UNC80: variants seen among roughly 807,000 people sequenced by gnomAD.
The protein encoded by UNC80 is protein unc-80 homolog.
UNC80 carries 164 observed loss-of-function variants against 384.6 expected under a neutral mutation model. That is an observed-to-expected ratio of 0.43 (90% confidence interval 0.38 to 0.49). The LOEUF (loss-of-function observed/expected upper bound fraction) is 0.49. Among genes scored for constraint, UNC80 ranks in the 20% least tolerant of loss-of-function variants. The pLI is 0.00. For synonymous variants in UNC80, 1,486 were observed against 1,527.8 expected (o/e 0.97, Z 0.64); for missense variants, 3,330 against 4,143.0 (o/e 0.80, Z 5.39).
chr2:209,951,421 C>G (rs2092180891), intron 47 of UNC80: 3 of 151,814 alleles, frequency 2.0e-5, no homozygotes. Context: ...CCTCAGCCTC[C>G]CAAATAGCTG....
At chr2:209,788,723 T>C (rs2077612564) in intron 5 of UNC80, among the ~76,000 whole-genome samples, 1 of 150,976 alleles carries the variant, frequency 6.6e-6, no homozygotes, top group Non-Finnish European at 1.5e-5. Context: ...GCTAAGCCTA[T>C]TACAAAAGAG....
chr2:209,981,482 G>A (rs1199854717), intron 59 of UNC80, among the ~76,000 whole-genome samples: 1 of 152,212 alleles, frequency 6.6e-6, no homozygotes, highest in East Asian at 1.9e-4. Flanking sequence ...GGAGGCTGAG[G>A]CATGGGAACC....
intron 59 of UNC80, 148 bp from the exon 60 acceptor site, chr2:209,982,031 T>A (rs546371236): frequency 2.8e-4 from 181 of 648,650 alleles, no homozygotes; most frequent in Middle Eastern, 9.0e-4. Context: ...AGTTTTTTTA[T>A]CTGTATGAAG....
At chr2:209,849,372 A>G in intron 21 of UNC80, 79 bp from the exon 22 acceptor site, 2 of 1,483,448 alleles carry the variant, frequency 1.3e-6, no homozygotes, top group Non-Finnish European at 1.8e-6. Flanking sequence ...ACACTGTTAT[A>G]TCTTTGAAAC....
intron 25 of UNC80, among the ~76,000 whole-genome samples, chr2:209,883,603 T>C (rs1157667122): frequency 6.6e-6 from 1 of 151,896 alleles, no homozygotes; most frequent in Non-Finnish European, 1.5e-5. Context: ...GCTAATTTTT[T>C]TTATTTTTTT....
At chr2:209,896,874 C>A (rs932467434) in intron 28 of UNC80, among the ~76,000 whole-genome samples, 2 of 152,068 alleles carry the variant, frequency 1.3e-5, no homozygotes, top group Non-Finnish European at 2.9e-5. Context: ...AGGGCACAGG[C>A]AGGAGGTGAT....
At position 209,976,757 on chromosome 2, in the gene UNC80, G is replaced by A. The variant is rs539720920; in HGVS notation, c.8773-156G>A. Among the ~76,000 whole-genome samples the A allele has an allele frequency of 6.6e-6, 1 of 152,268 alleles. No individual in the cohort carries two copies. Among genetic ancestry groups the A allele is most frequent in the East Asian group, 1.9e-4 (1 of 5,180 alleles). On this transcript the variant is annotated intron_variant, in intron 57 of 64. Transcript: ENST00000673920. This position sits in a 1 kb window ranked among gnomAD's most constrained non-coding sequence, Gnocchi z 4.3. ...GTTTCTTAGGGCAGTGATTTAAAAC[G>A]ATGTAATTATTAAGCACTTCCTGTG...
Position 209,917,891 on chromosome 2 carries a change from A to C in UNC80, c.5144A>C (p.His1715Pro). Residue 1715 changes from histidine (H) to proline (P), a missense_variant, in exon 32 of 65, where the codon CAC becomes CCC. His to Pro is a moderately conservative substitution (Grantham distance 77). Around this residue, in one of 8 missense-constraint regions of UNC80, gnomAD observed 801 missense variants for 950.8 expected, o/e 0.84. Coordinates refer to ENST00000673920, the MANE Select transcript of UNC80 (RefSeq NM_001371986.1). The stretch of plus-strand genomic sequence containing the variant: ...AGGCTGAACGCTGTCCTCAAGTTCC[A>C]CACGCTCTGGAGGTTTCGCTATCAG... ...VQRLNAVLKF[H>P]TLWRFRYQVW... 1 of 1,551,862 alleles carries C rather than the reference A, an allele frequency of 6.4e-7. No individual in the cohort carries two copies. Among genetic ancestry groups the C allele is most frequent in the Non-Finnish European group, 8.7e-7 (1 of 1,147,020 alleles).
At chr2:209,803,769 G>A (rs1251224832) in intron 7 of UNC80, among the ~76,000 whole-genome samples, 1 of 151,948 alleles carries the variant, frequency 6.6e-6, no homozygotes, top group Non-Finnish European at 1.5e-5. Flanking sequence ...GTCTCACTCT[G>A]CCACTGAGAC....
intron 16 of UNC80, among the ~76,000 whole-genome samples, chr2:209,833,754 T>C (rs1183191929): frequency 6.6e-6 from 1 of 152,200 alleles, no homozygotes; most frequent in Non-Finnish European, 1.5e-5. Context: ...CAGCCAACTT[T>C]CTGAATGAAG....
At chr2:209,823,506 C>A (rs111577661) in intron 13 of UNC80, among the ~76,000 whole-genome samples, 1 of 152,152 alleles carries the variant, frequency 6.6e-6, no homozygotes, top group African/African-American at 2.4e-5. Context: ...AGTCCAACCT[C>A]TGCTTTCGGA....
chr2:209,995,255 C>A, intron 64 of UNC80, 74 bp from the exon 65 acceptor site: 1 of 1,509,624 alleles, frequency 6.6e-7, no homozygotes, highest in South Asian at 1.3e-5. Context: ...TACCACTAGA[C>A]AACAACATTT....
intron 7 of UNC80, among the ~76,000 whole-genome samples, chr2:209,794,265 T>C (rs1026049595): frequency 6.6e-6 from 1 of 152,206 alleles, no homozygotes; most frequent in Admixed American, 6.5e-5. Context: ...AAGTCTATTC[T>C]TTGTAAATAT....
At chr2:209,941,909 A>G (rs1157717204) in intron 44 of UNC80, among the ~76,000 whole-genome samples, 1 of 152,198 alleles carries the variant, frequency 6.6e-6, no homozygotes, top group South Asian at 2.1e-4. Context: ...CCACATCTCT[A>G]AAACAAAAAA....
intron 7 of UNC80, among the ~76,000 whole-genome samples, chr2:209,799,918 G>A (rs1029837771): frequency 6.6e-6 from 1 of 152,162 alleles, no homozygotes; most frequent in African/African-American, 2.4e-5. Flanking sequence ...CAGTGATGAA[G>A]CCAACTTGGT....
At chr2:209,967,766 G>T in intron 52 of UNC80, 129 bp downstream of exon 52, 1 of 812,406 alleles carries the variant, frequency 1.2e-6, no homozygotes, top group African/African-American at 1.7e-5. Context: ...TATGTGCATA[G>T]TTAATAGGGT....
intron 31 of UNC80, among the ~76,000 whole-genome samples, chr2:209,914,630 G>A (rs2089314578): frequency 2.4e-5 from 3 of 124,462 alleles, no homozygotes; most frequent in Non-Finnish European, 1.6e-5. Flanking sequence ...AAGTTTCTCA[G>A]GAATCCTTCT....
chr2:209,897,236 G>C (rs375682663), intron 28 of UNC80, among the ~76,000 whole-genome samples: 1 of 152,056 alleles, frequency 6.6e-6, no homozygotes, highest in Non-Finnish European at 1.5e-5. Context: ...TATGTATACA[G>C]CTCAATACAT....
At chr2:209,886,935 A>G (rs1228148427) in intron 25 of UNC80, among the ~76,000 whole-genome samples, 1 of 152,222 alleles carries the variant, frequency 6.6e-6, no homozygotes, top group African/African-American at 2.4e-5. Flanking sequence ...ATCCATTCCT[A>G]GGGCTCTAGG....
Sources: allele counts gnomAD v4.1 joint callset (sites outside exome capture counted in the v4.1 genomes callset), GRCh38; gene constraint gnomAD v4.1.1; regional missense constraint gnomAD v4.1.1; non-coding constraint Gnocchi (gnomAD v3.1); transcripts MANE v1.5; gene names NCBI Gene and HGNC (gene_info 2026-07-23, HGNC 2026-07-21).